The following MCC variants were observed in gnomAD, a reference collection of about 807,000 sequenced individuals.
MCC encodes the protein MCC regulator of Wnt signaling pathway, also known as colorectal mutant cancer protein.
MCC carries 90 observed loss-of-function variants against 116.2 expected under a neutral mutation model. That is an observed-to-expected ratio of 0.77 (90% CI 0.65 to 0.92). The LOEUF is 0.92. Among genes scored for constraint, MCC ranks in the 40% least tolerant of loss-of-function variants. The pLI, the probability that MCC is intolerant of heterozygous loss-of-function variation, is 0.00. For missense variants in MCC, 1,516 were observed against 1,312.2 expected, an observed-to-expected ratio of 1.16 and a Z score of -2.40; for synonymous variants, 578 against 510.5, an observed-to-expected ratio of 1.13 and a Z score of -1.78.
chr5:113,144,968 T>C (rs761586521), intron 4 of MCC, among the ~76,000 whole-genome samples: 19 of 151,888 alleles, frequency 1.3e-4, no homozygotes, highest in Non-Finnish European at 1.9e-4. Flanking sequence ...TAAACAAAGA[T>C]GCTGTAACCA....
At chr5:113,075,315 C>T (rs1391830409) in intron 11 of MCC, among the ~76,000 whole-genome samples, 1 of 152,210 alleles carries the variant, frequency 6.6e-6, no homozygotes, top group Admixed American at 6.5e-5. Flanking sequence ...GCCCGAGCCC[C>T]CCTCACCCCC....
intron 3 of MCC, among the ~76,000 whole-genome samples, chr5:113,175,190 T>G (rs1371708570): frequency 1.3e-5 from 2 of 152,152 alleles, no homozygotes. Flanking sequence ...TGAAAATAAA[T>G]AGACATGTCA....
At chr5:113,414,795 G>T (rs1021608775) in intron 1 of MCC, among the ~76,000 whole-genome samples, 1 of 152,128 alleles carries the variant, frequency 6.6e-6, no homozygotes, top group Admixed American at 6.6e-5. Flanking sequence ...ATGTGTGAAT[G>T]TGATCCTCAC....
chr5:113,388,225 C>T (rs978521565), intron 1 of MCC, among the ~76,000 whole-genome samples: 1 of 152,192 alleles, frequency 6.6e-6, no homozygotes, highest in African/African-American at 2.4e-5. Flanking sequence ...AAAATACATT[C>T]ATTGCACTCT....
At chr5:113,186,641 C>T (rs760283825) in intron 3 of MCC, among the ~76,000 whole-genome samples, 1 of 152,130 alleles carries the variant, frequency 6.6e-6, no homozygotes, top group Non-Finnish European at 1.5e-5. Context: ...AAGATCAACA[C>T]ATATATTAGA....
rs534123173 is a variant in MCC, at chr5:113,346,815, A to T, written c.416-6085T>A. ...AAAGGTCAAGGATAAAGAAAGTATC[A>T]TAAAAGCAGCAAGAGAAAGGAAACA... On this transcript the variant is annotated intron_variant, in intron 2 of 18. Transcript: ENST00000408903. Among the ~76,000 whole-genome samples the T allele has an allele frequency of 4.5e-4, 69 of 152,294 alleles. 1 individual carries two copies. In the South Asian group the frequency reaches 0.013, roughly 29 times the overall value.
chr5:113,450,110 G>A (rs1353719351), intron 1 of MCC, among the ~76,000 whole-genome samples: 1 of 152,100 alleles, frequency 6.6e-6, no homozygotes, highest in African/African-American at 2.4e-5. Flanking sequence ...CTCTCCTTAT[G>A]TCCACACTCC....
chr5:113,058,358 T>G (rs1402457617), intron 14 of MCC, among the ~76,000 whole-genome samples: 1 of 152,202 alleles, frequency 6.6e-6, no homozygotes, highest in Non-Finnish European at 1.5e-5. Flanking sequence ...GCTGGCCGCA[T>G]CAGCAGCACC....
At chr5:113,180,797 T>A (rs1761588988) in intron 3 of MCC, among the ~76,000 whole-genome samples, 1 of 152,222 alleles carries the variant, frequency 6.6e-6, no homozygotes, top group African/African-American at 2.4e-5. Flanking sequence ...AGGTAATTTT[T>A]ATTTTAATAT....
At chr5:113,319,017 G>A (rs914779071) in intron 3 of MCC, among the ~76,000 whole-genome samples, 4 of 151,858 alleles carry the variant, frequency 2.6e-5, no homozygotes, top group African/African-American at 7.3e-5. Flanking sequence ...CAAGACACAC[G>A]CCACCACATC....
Position 113,225,243 on chromosome 5 carries a change from A to T in MCC, c.628-73821T>A, listed in dbSNP as rs116105961. Among the ~76,000 whole-genome samples the T allele has an allele frequency of 3.9e-3, 591 of 152,314 alleles. 5 individuals are homozygous for T. The highest frequency in any genetic ancestry group is 0.014 in the African/African-American group (576 of 41,566). On this transcript the variant is annotated intron_variant, in intron 3 of 18. Transcript: ENST00000408903. Reference sequence around the variant, plus strand: ...TGTGTTTTCCTGTATATTCTGTTGAACTAATTTTATTGACGAATTTTCTTC... The same window carrying T: ...TGTGTTTTCCTGTATATTCTGTTGATCTAATTTTATTGACGAATTTTCTTC...
rs548225070 is a variant in MCC, at chr5:113,370,280, T to C, written c.415+14688A>G. Among the ~76,000 whole-genome samples, 10 of 152,330 alleles carry C rather than the reference T, an allele frequency of 6.6e-5. No homozygotes were observed. In the South Asian group the frequency reaches 2.1e-3, roughly 32 times the overall value. ...TATCCCTGTAACCATTCCTAGGCCA[T>C]GAAGAGGCGAAGGTTTTTCCCTTTG... On this transcript the variant is annotated intron_variant, in intron 2 of 18. Coordinates refer to ENST00000408903, the MANE Select transcript of MCC (RefSeq NM_001085377.2).
At chr5:113,471,940 G>A (rs1037799164) in intron 1 of MCC, among the ~76,000 whole-genome samples, 8 of 152,048 alleles carry the variant, frequency 5.3e-5, no homozygotes, top group African/African-American at 7.2e-5. Flanking sequence ...GTGAGACTCC[G>A]TGGGCGTGGG....
At chr5:113,344,391 C>A (rs1047740843) in intron 2 of MCC, among the ~76,000 whole-genome samples, 8 of 152,094 alleles carry the variant, frequency 5.3e-5, no homozygotes, top group Non-Finnish European at 8.8e-5. Context: ...TAGGCAGATC[C>A]TAGTGCTGGG....
intron 17 of MCC, among the ~76,000 whole-genome samples, chr5:113,030,535 C>T (rs1165665833): frequency 1.3e-5 from 2 of 152,026 alleles, no homozygotes; most frequent in East Asian, 1.9e-4. Context: ...TAAAACTTAG[C>T]CAGATATGGT....
chr5:113,118,955 G>A (rs973718746), intron 6 of MCC, among the ~76,000 whole-genome samples: 1 of 152,148 alleles, frequency 6.6e-6, no homozygotes. Flanking sequence ...CCAGATTCCT[G>A]CTCGGCTGTG....
chr5:113,150,134 T>C (rs568929150), intron 4 of MCC, among the ~76,000 whole-genome samples: 2 of 151,530 alleles, frequency 1.3e-5, no homozygotes, highest in East Asian at 3.9e-4. Flanking sequence ...ATGGGAATAA[T>C]AGAGACAAAG....
At chr5:113,029,186 T>TTA in intron 17 of MCC, 130 bp from the exon 18 acceptor site, 1 of 799,988 alleles carries the variant, frequency 1.3e-6, no homozygotes, top group East Asian at 2.9e-5. Context: ...AGAGAAAAGA[T>TTA]ACTAAAGGGC....
At chr5:113,199,198 A>G in intron 3 of MCC, among the ~76,000 whole-genome samples, 1 of 152,012 alleles carries the variant, frequency 6.6e-6, no homozygotes, top group Admixed American at 6.6e-5. Context: ...AAGAAATGAA[A>G]TCAATAGAAG....
Sources: allele counts gnomAD v4.1 joint callset (sites outside exome capture counted in the v4.1 genomes callset), GRCh38; gene constraint gnomAD v4.1.1; transcripts MANE v1.5; gene names NCBI Gene and HGNC (gene_info 2026-07-23, HGNC 2026-07-21).